The following TRERF1 variants were observed in gnomAD, a reference collection of about 807,000 sequenced individuals.
TRERF1 encodes the protein transcriptional-regulating factor 1.
A neutral mutation model predicts 122.9 loss-of-function variants in TRERF1; 27 were observed. The ratio of observed to expected loss-of-function variants is 0.22; its 90% confidence interval spans 0.16 to 0.30. TRERF1 has a LOEUF of 0.30. Ranked by LOEUF, TRERF1 falls within the 10% of genes least tolerant of loss-of-function variation. The pLI, the probability that TRERF1 is intolerant of heterozygous loss-of-function variation, is 1.00. For missense variants in TRERF1, 1,248 were observed against 1,560.3 expected (o/e 0.80, Z 3.37); for synonymous variants, 636 against 641.7 (o/e 0.99, Z 0.13).
intron 4 of TRERF1, among the ~76,000 whole-genome samples, chr6:42,291,841 G>A (rs914090342): frequency 1.3e-5 from 2 of 151,978 alleles, no homozygotes; most frequent in East Asian, 1.9e-4. Flanking sequence ...CACTGCGCCC[G>A]GCCCTGTCTG....
chr6:42,323,632 G>C (rs1763811679), intron 3 of TRERF1, among the ~76,000 whole-genome samples: 1 of 152,126 alleles, frequency 6.6e-6, no homozygotes, highest in Non-Finnish European at 1.5e-5. Context: ...GACAACCATG[G>C]AGAAAGACCA....
In TRERF1 at chr6:42,228,459, GTCGA is replaced by G. The variant is rs1386018329; in HGVS notation, c.3485_3488del (p.Leu1162ProfsTer45). ...CTCCCAACTGCTGGACGACGTCGTC[GTCGA>G]GGATGTCCACATCCTTGATGGGTTT... On this transcript the variant is annotated frameshift_variant, in exon 18 of 18. Transcript: ENST00000372922. LOFTEE classifies it high-confidence loss of function. The surrounding 1 kb of genome is among the most constrained non-coding windows in gnomAD (Gnocchi z 4.2). 6.2e-7 allele frequency: 1 copy of G among 1,614,072 alleles called. No homozygotes were observed. Among genetic ancestry groups the G allele is most frequent in the Non-Finnish European group, 8.5e-7 (1 of 1,180,046 alleles).
chr6:42,295,299 T>C (rs1179278836), intron 4 of TRERF1, among the ~76,000 whole-genome samples: 5 of 152,232 alleles, frequency 3.3e-5, no homozygotes, highest in Admixed American at 6.5e-5. Flanking sequence ...AGTGAGGTGG[T>C]AGCCCAGATG....
chr6:42,286,188 CT>C (rs1783192168), intron 4 of TRERF1, among the ~76,000 whole-genome samples: 1 of 146,948 alleles, frequency 6.8e-6, no homozygotes, highest in African/African-American at 2.5e-5. Context: ...CATAAAAACC[CT>C]AGAAGAAAAC....
In TRERF1 at chr6:42,320,195, A is replaced by G. The variant is rs188827614; in HGVS notation, c.-370-19446T>C. 2.3e-3 allele frequency among the ~76,000 whole-genome samples: 343 copies of G among 152,154 alleles called. 2 individuals carry two copies. The highest frequency in any genetic ancestry group is 7.0e-3 in the African/African-American group (289 of 41,508). On this transcript the variant is annotated intron_variant, in intron 3 of 17. Transcript: ENST00000372922. ...ATTACAGGCATGAGCCACCGCACCC[A>G]GCCATAACTAAATTATATTATATTA...
Position 42,232,797 on chromosome 6 carries a change from C to T in TRERF1, c.3162G>A (p.Lys1054=), listed in dbSNP as rs766086124. The T allele has an allele frequency of 1.2e-6, 2 of 1,613,268 alleles. No individual in the cohort carries two copies. Among genetic ancestry groups the T allele is most frequent in the Non-Finnish European group, 1.7e-6 (2 of 1,179,556 alleles). The change falls in exon 17 of 18, where the codon AAG becomes AAA. Residue 1054 remains lysine (K), a synonymous_variant. Transcript: ENST00000372922. This position sits in a 1 kb window ranked among gnomAD's most constrained non-coding sequence, Gnocchi z 4.5. ...CACTCTGGGTGCCACCAGGCTTCTG[C>T]TTCCCAGAGGGGATGGCACCTCGGG... is the stretch of plus-strand genomic sequence containing the variant.
intron 3 of TRERF1, among the ~76,000 whole-genome samples, chr6:42,330,590 C>T (rs1765080488): frequency 6.6e-6 from 1 of 152,168 alleles, no homozygotes; most frequent in African/African-American, 2.4e-5. Flanking sequence ...TATCCTTTGA[C>T]CCAGAAATTC....
At chr6:42,359,300 G>A (rs1291675652) in intron 3 of TRERF1, among the ~76,000 whole-genome samples, 1 of 152,194 alleles carries the variant, frequency 6.6e-6, no homozygotes, top group Non-Finnish European at 1.5e-5. Context: ...TCTCAGTACT[G>A]CAGTATCTCA....
intron 3 of TRERF1, among the ~76,000 whole-genome samples, chr6:42,310,546 G>C (rs1478641659): frequency 1.3e-5 from 2 of 152,184 alleles, no homozygotes; most frequent in Non-Finnish European, 2.9e-5. Context: ...GTCACAGTTG[G>C]GGGAGTTCTT....
At chr6:42,283,649 T>G (rs1385125776) in intron 4 of TRERF1, among the ~76,000 whole-genome samples, 1 of 140,498 alleles carries the variant, frequency 7.1e-6, no homozygotes, top group African/African-American at 2.7e-5. Context: ...GGAGTTTTGC[T>G]CTTGTTGCCT....
chr6:42,427,301 C>T (rs1423014863), intron 2 of TRERF1, among the ~76,000 whole-genome samples: 1 of 152,110 alleles, frequency 6.6e-6, no homozygotes, highest in African/African-American at 2.4e-5. Context: ...CTCTACCACC[C>T]AGCTGAAATT....
chr6:42,305,097 A>G (rs1407028381), intron 3 of TRERF1, among the ~76,000 whole-genome samples: 1 of 152,190 alleles, frequency 6.6e-6, no homozygotes, highest in East Asian at 1.9e-4. Context: ...CATCCTGCTG[A>G]GGTGCTGTAG....
At chr6:42,326,964 T>C (rs1217615681) in intron 3 of TRERF1, among the ~76,000 whole-genome samples, 3 of 152,196 alleles carry the variant, frequency 2.0e-5, no homozygotes, top group Non-Finnish European at 4.4e-5. Context: ...ATAATCCTAC[T>C]GGCCAGGTGT....
chr6:42,419,265 G>A (rs260292), intron 2 of TRERF1, among the ~76,000 whole-genome samples: 110,806 of 118,410 alleles, frequency 0.94, 51,627 homozygotes, highest in East Asian at 0.97. Flanking sequence ...CCCACCCCCC[G>A]CCCCGGCTTC....
chr6:42,425,351 G>GA (rs1554214734), intron 2 of TRERF1, among the ~76,000 whole-genome samples: 3 of 147,642 alleles, frequency 2.0e-5, no homozygotes, highest in Non-Finnish European at 3.0e-5. Flanking sequence ...AAATATGACA[G>GA]CCCCCAACCA....
chr6:42,390,928 C>T (rs940251190), intron 2 of TRERF1, among the ~76,000 whole-genome samples: 6 of 152,294 alleles, frequency 3.9e-5, no homozygotes, highest in African/African-American at 1.2e-4. Context: ...TGCCCAAGCC[C>T]TGCACTCCAG....
At chr6:42,305,684 C>T (rs1787080999) in intron 3 of TRERF1, among the ~76,000 whole-genome samples, 1 of 152,088 alleles carries the variant, frequency 6.6e-6, no homozygotes, top group Non-Finnish European at 1.5e-5. Context: ...GAAGAATTCC[C>T]TCCATGCCAC....
intron 13 of TRERF1, among the ~76,000 whole-genome samples, chr6:42,251,478 G>T (rs1388716648): frequency 6.6e-6 from 1 of 152,098 alleles, no homozygotes; most frequent in South Asian, 2.1e-4. Context: ...TGGATAAAAG[G>T]GGGGAAGCCT....
In TRERF1 at chr6:42,376,246, C is replaced by T. The variant is rs541105650; in HGVS notation, c.-453-13167G>A. Among the ~76,000 whole-genome samples, 8 of 152,364 alleles carry T rather than the reference C, an allele frequency of 5.3e-5. No homozygotes were observed. In the East Asian group the frequency reaches 1.5e-3, roughly 29 times the overall value. On this transcript the variant is annotated intron_variant, in intron 2 of 17. Coordinates refer to ENST00000372922, the Ensembl canonical transcript of TRERF1. ...TCTAAAATTAAACGTTCATTCCTCT[C>T]ACCTAAAAGGTTTCTCCTTTTATAA...
Sources: allele counts gnomAD v4.1 joint callset (sites outside exome capture counted in the v4.1 genomes callset), GRCh38; gene constraint gnomAD v4.1.1; non-coding constraint Gnocchi (gnomAD v3.1); transcripts MANE v1.5; gene names NCBI Gene and HGNC (gene_info 2026-07-23, HGNC 2026-07-21).